Variants in VTI1A observed in about 807,000 individuals in gnomAD.
VTI1A encodes the protein vesicle transport through interaction with t-SNAREs 1A.
Under a neutral mutation model 34.9 loss-of-function variants are expected in VTI1A, and 22 were observed. The observed-to-expected ratio is 0.63, with a 90% CI of 0.45 to 0.90. VTI1A has a LOEUF of 0.90. VTI1A is among the 40% of genes least tolerant of loss of function. The probability of loss-of-function intolerance (pLI) is 0.00; values close to 1 mark genes in which losing one functional copy is unlikely to be tolerated. For synonymous variants in VTI1A, 87 were observed against 97.3 expected (o/e 0.89, Z 0.62); for missense variants, 268 against 275.6 (o/e 0.97, Z 0.20).
At chr10:112,574,582 C>G (rs547978928) in intron 5 of VTI1A, among the ~76,000 whole-genome samples, 1 of 152,296 alleles carries the variant, frequency 6.6e-6, no homozygotes, top group South Asian at 2.1e-4. Flanking sequence ...GTTAACCTTT[C>G]TGAGCTTCTT....
chr10:112,811,838 C>T (rs1393000249), intron 7 of VTI1A, among the ~76,000 whole-genome samples: 2 of 152,180 alleles, frequency 1.3e-5, no homozygotes, highest in Non-Finnish European at 2.9e-5. Context: ...CAGTGCCGCG[C>T]CTGTCCCCTG....
chr10:112,836,940 T>A, the VTI1A span, among the ~76,000 whole-genome samples: 1 of 151,846 alleles, frequency 6.6e-6, no homozygotes, highest in South Asian at 2.1e-4. Context: ...ATTGACTCCA[T>A]CTTCTATCCC....
intron 5 of VTI1A, among the ~76,000 whole-genome samples, chr10:112,604,569 A>G (rs1404762122): frequency 1.3e-5 from 2 of 152,200 alleles, no homozygotes; most frequent in East Asian, 3.8e-4. Flanking sequence ...ATACACTCAT[A>G]AACTGCTAAT....
intron 5 of VTI1A, among the ~76,000 whole-genome samples, chr10:112,623,570 G>A (rs1845813554): frequency 6.6e-6 from 1 of 151,952 alleles, no homozygotes; most frequent in Admixed American, 6.6e-5. Flanking sequence ...CAGCTACAGG[G>A]TTGGCTACTG....
chr10:112,689,761 A>G (rs1349465304), intron 7 of VTI1A, among the ~76,000 whole-genome samples: 1 of 150,968 alleles, frequency 6.6e-6, no homozygotes, highest in Non-Finnish European at 1.5e-5. Context: ...TTTTTTTTTT[A>G]ATTATTATTT....
intron 7 of VTI1A, among the ~76,000 whole-genome samples, chr10:112,711,922 T>C (rs764940151): frequency 5.9e-5 from 9 of 152,220 alleles, no homozygotes; most frequent in Non-Finnish European, 1.2e-4. Flanking sequence ...TAATCTGTTC[T>C]CTGTCCATTC....
intron 3 of VTI1A, among the ~76,000 whole-genome samples, chr10:112,481,303 C>T (rs1168057941): frequency 1.3e-5 from 2 of 152,084 alleles, no homozygotes; most frequent in Non-Finnish European, 2.9e-5. Context: ...ACAGAGAAGC[C>T]GCGACTGAAT....
intron 7 of VTI1A, among the ~76,000 whole-genome samples, chr10:112,676,839 C>T (rs1172694989): frequency 6.6e-6 from 1 of 152,168 alleles, no homozygotes; most frequent in Non-Finnish European, 1.5e-5. Context: ...ACTTGAAACA[C>T]AGTGTTGGAA....
At chr10:112,732,144 G>A (rs904314037) in intron 7 of VTI1A, among the ~76,000 whole-genome samples, 6 of 152,020 alleles carry the variant, frequency 3.9e-5, no homozygotes, top group African/African-American at 1.2e-4. Flanking sequence ...TGAAACTTTT[G>A]AGCAAATGAC....
intron 7 of VTI1A, among the ~76,000 whole-genome samples, chr10:112,791,700 A>G (rs1852484071): frequency 6.6e-6 from 1 of 152,168 alleles, no homozygotes; most frequent in African/African-American, 2.4e-5. Context: ...AAGGTGCTTG[A>G]AGGCAGCCTC....
At chr10:112,834,192 G>A in the VTI1A span, among the ~76,000 whole-genome samples, 1 of 152,130 alleles carries the variant, frequency 6.6e-6, no homozygotes, top group African/African-American at 2.4e-5. Context: ...GCCCATCACA[G>A]CCCTCACCAA....
intron 7 of VTI1A, among the ~76,000 whole-genome samples, chr10:112,782,334 A>T (rs1443414825): frequency 6.6e-6 from 1 of 152,258 alleles, no homozygotes; most frequent in East Asian, 1.9e-4. Context: ...TGGAGGCCAC[A>T]CTGGAAAAGG....
intron 2 of VTI1A, among the ~76,000 whole-genome samples, chr10:112,462,527 A>G (rs1412206396): frequency 6.6e-6 from 1 of 152,244 alleles, no homozygotes; most frequent in Non-Finnish European, 1.5e-5. Context: ...TTAGAACTAA[A>G]TAATTGATGA....
At chr10:112,466,259 C>T (rs1564788346) in intron 3 of VTI1A, among the ~76,000 whole-genome samples, 1 of 152,242 alleles carries the variant, frequency 6.6e-6, no homozygotes, top group East Asian at 1.9e-4. Flanking sequence ...CACTGTAAGA[C>T]CAACATCAAT....
chr10:112,469,226 A>AT (rs944100414), intron 3 of VTI1A, among the ~76,000 whole-genome samples: 18 of 151,986 alleles, frequency 1.2e-4, no homozygotes, highest in African/African-American at 3.1e-4. Context: ...TTTTATTGTT[A>AT]TTTTTTAGAA....
intron 7 of VTI1A, among the ~76,000 whole-genome samples, chr10:112,763,211 C>G (rs555261638): frequency 3.3e-5 from 5 of 151,962 alleles, no homozygotes; most frequent in Non-Finnish European, 7.4e-5. Flanking sequence ...GAGGTCGAGG[C>G]GGGCGGATCA....
intron 4 of VTI1A, among the ~76,000 whole-genome samples, chr10:112,536,275 T>C (rs1850610506): frequency 1.3e-5 from 2 of 152,228 alleles, no homozygotes; most frequent in South Asian, 4.1e-4. Context: ...TTACTTTTGA[T>C]TTCACAGATC....
intron 5 of VTI1A, among the ~76,000 whole-genome samples, chr10:112,580,972 C>T (rs1843904859): frequency 6.6e-6 from 1 of 152,106 alleles, no homozygotes; most frequent in Admixed American, 6.5e-5. Flanking sequence ...GGATCTGAAC[C>T]CAAGACCTAC....
At chr10:112,585,871 A>C (rs1195851975) in intron 5 of VTI1A, among the ~76,000 whole-genome samples, 2 of 152,030 alleles carry the variant, frequency 1.3e-5, no homozygotes, top group Non-Finnish European at 2.9e-5. Context: ...AGCCTTAAAG[A>C]TTGCAGTTAC....
Sources: allele counts gnomAD v4.1 joint callset (sites outside exome capture counted in the v4.1 genomes callset), GRCh38; gene constraint gnomAD v4.1.1; transcripts MANE v1.5; gene names NCBI Gene and HGNC (gene_info 2026-07-23, HGNC 2026-07-21).